The following TASP1 variants were observed in gnomAD, a reference collection of about 807,000 sequenced individuals.
The protein encoded by TASP1 is taspase 1.
A neutral mutation model predicts 56.6 loss-of-function variants in TASP1; 16 were observed. The ratio of observed to expected loss-of-function variants is 0.28; its 90% confidence interval spans 0.19 to 0.43. The LOEUF (loss-of-function observed/expected upper bound fraction) is 0.43. TASP1 is among the 20% of genes least tolerant of loss of function. TASP1 has a pLI of 1.00. For missense variants in TASP1, 393 were observed against 511.6 expected, an observed-to-expected ratio of 0.77 and a Z score of 2.24; for synonymous variants, 179 against 184.2, an observed-to-expected ratio of 0.97 and a Z score of 0.23.
intron 7 of TASP1, among the ~76,000 whole-genome samples, chr20:13,565,265 T>A (rs2046486521): frequency 6.6e-6 from 1 of 151,990 alleles, no homozygotes; most frequent in South Asian, 2.1e-4. Flanking sequence ...AAGACCTAAG[T>A]GTAAGAGCTA....
At chr20:13,145,818 T>A in the TASP1 span, among the ~76,000 whole-genome samples, 1 of 151,896 alleles carries the variant, frequency 6.6e-6, no homozygotes, top group East Asian at 1.9e-4. Flanking sequence ...CAGAATAGAG[T>A]GCTCAGAAAT....
intron 11 of TASP1, among the ~76,000 whole-genome samples, chr20:13,443,898 C>T (rs993190753): frequency 1.3e-5 from 2 of 152,168 alleles, no homozygotes; most frequent in Non-Finnish European, 2.9e-5. Flanking sequence ...ACTGGAACCA[C>T]AAGGCCAGTG....
At chr20:13,197,828 G>T in the TASP1 span, among the ~76,000 whole-genome samples, 2 of 152,132 alleles carry the variant, frequency 1.3e-5, no homozygotes, top group Non-Finnish European at 2.9e-5. Context: ...ACCCTGGCTA[G>T]CGATTTATAA....
intron 10 of TASP1, among the ~76,000 whole-genome samples, chr20:13,526,492 A>G (rs2044985109): frequency 1.3e-5 from 2 of 152,200 alleles, no homozygotes; most frequent in Admixed American, 6.6e-5. Context: ...CAAGGTTTTC[A>G]TGTGCCACCA....
chr20:13,156,117 G>A, the TASP1 span, among the ~76,000 whole-genome samples: 1 of 152,150 alleles, frequency 6.6e-6, no homozygotes, highest in African/African-American at 2.4e-5. Context: ...TTGGGGAAAT[G>A]ATGTGTGTTG....
the TASP1 span, among the ~76,000 whole-genome samples, chr20:13,131,033 T>C: frequency 3.9e-5 from 6 of 152,280 alleles, no homozygotes; most frequent in African/African-American, 1.4e-4. Context: ...GAAGTTACTT[T>C]TGGAAAGGTC....
the TASP1 span, chr20:13,238,011 C>T: frequency 6.6e-6 from 1 of 152,178 alleles, no homozygotes; most frequent in Non-Finnish European, 1.5e-5. Flanking sequence ...TGACTTCATT[C>T]CCCTTAAAAG....
At chr20:13,613,489 T>C (rs1385724265) in intron 4 of TASP1, among the ~76,000 whole-genome samples, 2 of 152,116 alleles carry the variant, frequency 1.3e-5, no homozygotes, top group Non-Finnish European at 2.9e-5. Context: ...ATAGGAAAAT[T>C]AGCAGATATT....
the TASP1 span, among the ~76,000 whole-genome samples, chr20:13,294,037 A>G: frequency 1.3e-5 from 2 of 152,154 alleles, no homozygotes; most frequent in African/African-American, 4.8e-5. Flanking sequence ...GGGGCAGTAG[A>G]GAATGGTAGG....
the TASP1 span, among the ~76,000 whole-genome samples, chr20:13,323,554 T>C: frequency 6.6e-6 from 1 of 152,228 alleles, no homozygotes; most frequent in Non-Finnish European, 1.5e-5. Flanking sequence ...CATATGAAAC[T>C]ACGTTTTCTT....
the TASP1 span, chr20:13,133,033 T>A: frequency 6.6e-6 from 1 of 152,462 alleles, no homozygotes; most frequent in Non-Finnish European, 1.5e-5. Context: ...TTAAACTTGA[T>A]CTCTCTGCAT....
chr20:13,364,910 C>T, the TASP1 span, among the ~76,000 whole-genome samples: 1 of 152,032 alleles, frequency 6.6e-6, no homozygotes, highest in Non-Finnish European at 1.5e-5. Flanking sequence ...CGAATATGCT[C>T]CATTGAACTA....
chr20:13,328,200 G>A, the TASP1 span, among the ~76,000 whole-genome samples: 2 of 152,134 alleles, frequency 1.3e-5, no homozygotes, highest in Non-Finnish European at 2.9e-5. Flanking sequence ...CAACAAACAT[G>A]AAGAAAAGCT....
At chr20:13,544,993 G>A (rs2045754963) in intron 8 of TASP1, among the ~76,000 whole-genome samples, 1 of 152,022 alleles carries the variant, frequency 6.6e-6, no homozygotes, top group African/African-American at 2.4e-5. Context: ...AATATTTAAT[G>A]TTGACTTAAT....
the TASP1 span, among the ~76,000 whole-genome samples, chr20:13,150,634 A>T: frequency 6.6e-6 from 1 of 152,204 alleles, no homozygotes; most frequent in East Asian, 1.9e-4. Flanking sequence ...TCCCTTTCAG[A>T]TTCATCCTAC....
intron 11 of TASP1, among the ~76,000 whole-genome samples, chr20:13,437,081 C>T (rs1402596371): frequency 1.3e-5 from 2 of 152,022 alleles, no homozygotes; most frequent in Non-Finnish European, 2.9e-5. Flanking sequence ...ACCAATATCC[C>T]TGATGAACAT....
intron 7 of TASP1, among the ~76,000 whole-genome samples, chr20:13,564,381 G>A (rs377020013): frequency 6.6e-6 from 1 of 151,978 alleles, no homozygotes; most frequent in South Asian, 2.1e-4. Context: ...CTAAAATCAA[G>A]GAGGCAAAAT....
At chr20:13,175,763 T>C in the TASP1 span, among the ~76,000 whole-genome samples, 2 of 152,188 alleles carry the variant, frequency 1.3e-5, no homozygotes, top group Middle Eastern at 3.2e-3. Context: ...CTCTGAAAGG[T>C]CATATTCTTC....
chr20:13,220,657 G>T, the TASP1 span, among the ~76,000 whole-genome samples: 1 of 152,212 alleles, frequency 6.6e-6, no homozygotes, highest in Non-Finnish European at 1.5e-5. Context: ...CCCTTCCCAG[G>T]CTCTACGGGG....
Sources: gnomAD v4.1 joint callset for allele counts (sites outside exome capture counted in the v4.1 genomes callset) on GRCh38, gnomAD v4.1.1 for gene constraint, MANE v1.5 for transcripts, NCBI Gene and HGNC (gene_info 2026-07-23, HGNC 2026-07-21) for gene names.